ADTRP: variants seen among roughly 807,000 people sequenced by gnomAD.
ADTRP encodes the protein androgen dependent TFPI regulating protein, also known as androgen-dependent TFPI-regulating protein.
ADTRP carries 20 observed loss-of-function variants against 27.0 expected under a neutral mutation model. The ratio of observed to expected loss-of-function variants is 0.74; its 90% CI spans 0.52 to 1.08. ADTRP has a LOEUF of 1.08. ADTRP is among the 50% of genes least tolerant of loss of function. The pLI is 0.00. For synonymous variants in ADTRP, 101 were observed against 105.2 expected (o/e 0.96, Z 0.25); for missense variants, 251 against 275.0 (o/e 0.91, Z 0.62).
chr6:11,765,312 TC>T (rs1210255947), intron 3 of ADTRP, among the ~76,000 whole-genome samples: 2 of 141,090 alleles, frequency 1.4e-5, no homozygotes, highest in African/African-American at 2.6e-5. Flanking sequence ...CTTGTGCCTT[TC>T]CCCTGGTTTG....
intron 3 of ADTRP, among the ~76,000 whole-genome samples, chr6:11,737,638 A>G (rs1373429601): frequency 7.2e-5 from 11 of 152,218 alleles, no homozygotes. Context: ...CTGTAAGTAC[A>G]GGGCAGCACT....
intron 3 of ADTRP, among the ~76,000 whole-genome samples, chr6:11,748,884 G>A (rs1762951230): frequency 6.6e-6 from 1 of 152,240 alleles, no homozygotes; most frequent in African/African-American, 2.4e-5. Flanking sequence ...TGTGTCTGCA[G>A]CATTAAGCAG....
At chr6:11,749,265 T>C (rs1389251208) in intron 3 of ADTRP, among the ~76,000 whole-genome samples, 1 of 152,186 alleles carries the variant, frequency 6.6e-6, no homozygotes, top group East Asian at 1.9e-4. Context: ...GAGATGGAGA[T>C]GCTCAGAACA....
intron 3 of ADTRP, among the ~76,000 whole-genome samples, chr6:11,747,827 T>A (rs1762915927): frequency 6.6e-6 from 1 of 152,162 alleles, no homozygotes; most frequent in African/African-American, 2.4e-5. Flanking sequence ...TTTCAACTGT[T>A]TCTCCTCTTC....
intron 3 of ADTRP, among the ~76,000 whole-genome samples, chr6:11,765,857 C>T (rs1763555243): frequency 6.6e-6 from 1 of 152,166 alleles, no homozygotes; most frequent in Non-Finnish European, 1.5e-5. Context: ...AGAATCGTGA[C>T]AAAGTGTGTT....
At chr6:11,725,984 C>T (rs1762182945) in intron 4 of ADTRP, among the ~76,000 whole-genome samples, 1 of 151,124 alleles carries the variant, frequency 6.6e-6, no homozygotes, top group Non-Finnish European at 1.5e-5. Flanking sequence ...TTCACAATAG[C>T]CTGAAGGTGG....
intron 1 of ADTRP, among the ~76,000 whole-genome samples, chr6:11,771,289 C>T (rs949329614): frequency 2.0e-5 from 3 of 152,202 alleles, no homozygotes; most frequent in Non-Finnish European, 4.4e-5. Context: ...CTGTCGCCAT[C>T]GAGCTTACTC....
chr6:11,755,126 A>T, intron 3 of ADTRP: 1 of 964,794 alleles, frequency 1.0e-6, no homozygotes, highest in Non-Finnish European at 1.2e-6. Context: ...TTCACACAGG[A>T]GAGGGACTCA....
At position 11,768,286 on chromosome 6, in the gene ADTRP, T is replaced by C. The variant is rs1441822309; in HGVS notation, c.251A>G (p.Asp84Gly). ...KDIKFLTAFR[D>G]LLFTTLAFPV... Reference sequence around the variant, plus strand: ...AAAAGCCAGAGTGGTGAAAAGCAGGTCTCTGAAGGCAGTTAGGAACTTAAT... The same window carrying C: ...AAAAGCCAGAGTGGTGAAAAGCAGGCCTCTGAAGGCAGTTAGGAACTTAAT... Residue 84 changes from aspartate (D) to glycine (G), a missense_variant, in exon 2 of 6, where the codon GAC (aspartate) becomes GGC (glycine). Transcript: ENST00000414691. 1.2e-6 allele frequency: 2 copies of C among 1,614,192 alleles called. No individual in the cohort carries two copies. Among genetic ancestry groups the C allele is most frequent in the Admixed American group, 1.7e-5 (1 of 60,022 alleles).
At chr6:11,740,092 G>C (rs1190954494) in intron 3 of ADTRP, among the ~76,000 whole-genome samples, 1 of 152,152 alleles carries the variant, frequency 6.6e-6, no homozygotes, top group Non-Finnish European at 1.5e-5. Context: ...CCTCTCAGAT[G>C]GGTCATCAAG....
At chr6:11,743,229 T>TA (rs1324164919) in intron 3 of ADTRP, among the ~76,000 whole-genome samples, 3 of 152,242 alleles carry the variant, frequency 2.0e-5, no homozygotes, top group Non-Finnish European at 4.4e-5. Flanking sequence ...AAAGAGATGA[T>TA]AAACTCTTTG....
rs536014301 is a variant in ADTRP, at chr6:11,771,309, G to A, written c.154-2926C>T. Among the ~76,000 whole-genome samples, 13 of 152,358 alleles carry A rather than the reference G, an allele frequency of 8.5e-5. No individual in the cohort carries two copies. In the South Asian group the frequency reaches 2.7e-3, roughly 32 times the overall value. On this transcript the variant is annotated intron_variant, in intron 1 of 5. Coordinates refer to ENST00000414691, the MANE Select transcript of ADTRP (RefSeq NM_032744.4). ...GCCATCGAGCTTACTCAACATTGAG[G>A]CGTCTTTGTCCGAATTCACCACAAG...
At chr6:11,722,526 C>G (rs1389063104) in intron 5 of ADTRP, among the ~76,000 whole-genome samples, 1 of 152,070 alleles carries the variant, frequency 6.6e-6, no homozygotes, top group Non-Finnish European at 1.5e-5. Flanking sequence ...TCCTTATATA[C>G]AGAATCAGGG....
chr6:11,727,967 GAGGGAGGTAGGT>G (rs1229612097), intron 4 of ADTRP, among the ~76,000 whole-genome samples: 1 of 126,456 alleles, frequency 7.9e-6, no homozygotes, highest in Non-Finnish European at 1.6e-5. Context: ...GGCAGGGAGG[GAGGGAGGTAGGT>G]AGGGAGGGAG....
In ADTRP at chr6:11,714,221, T is replaced by C. The variant is rs1310198174; in HGVS notation, c.*257A>G. The C allele has an allele frequency of 2.8e-5, 13 of 457,008 alleles. No homozygotes were observed. The highest frequency in any genetic ancestry group is 3.1e-5 in the Non-Finnish European group (8 of 255,850). The allele number at this position is 457,008 out of a possible 1,614,324, so 28.3% of individuals were successfully genotyped here. A position where few individuals can be genotyped will look rare whatever the true frequency, so the allele number is the denominator to read the frequency against. Reference sequence around the variant, plus strand: ...TTGGCCAGATTTTAACCAGAGACCATCCTCCACGAAGGTCAAAGATAATTA... The same window carrying C: ...TTGGCCAGATTTTAACCAGAGACCACCCTCCACGAAGGTCAAAGATAATTA... On this transcript the variant is annotated 3_prime_UTR_variant, in exon 6 of 6. Coordinates refer to ENST00000414691, the MANE Select transcript of ADTRP (RefSeq NM_032744.4).
intron 3 of ADTRP, among the ~76,000 whole-genome samples, chr6:11,759,794 C>T (rs1203943086): frequency 6.6e-6 from 1 of 152,118 alleles, no homozygotes; most frequent in Non-Finnish European, 1.5e-5. Context: ...TATCTTGAGT[C>T]ATCTGGATGG....
intron 2 of ADTRP, among the ~76,000 whole-genome samples, chr6:11,767,198 C>T (rs1055907306): frequency 1.3e-5 from 2 of 152,144 alleles, no homozygotes; most frequent in Non-Finnish European, 2.9e-5. Context: ...ATGGCAAAAC[C>T]ATGTCTCTAC....
At chr6:11,731,637 C>T (rs1762383468) in intron 4 of ADTRP, among the ~76,000 whole-genome samples, 1 of 120,676 alleles carries the variant, frequency 8.3e-6, no homozygotes. Flanking sequence ...TACCTTCTCT[C>T]ATTTTTTCTA....
chr6:11,742,812 T>A (rs1018828300), intron 3 of ADTRP, among the ~76,000 whole-genome samples: 1 of 152,248 alleles, frequency 6.6e-6, no homozygotes, highest in Non-Finnish European at 1.5e-5. Flanking sequence ...TTATGTGATC[T>A]GAGCAGTACA....
Sources: gnomAD v4.1 joint callset for allele counts (sites outside exome capture counted in the v4.1 genomes callset) on GRCh38, gnomAD v4.1.1 for gene constraint, MANE v1.5 for transcripts, NCBI Gene and HGNC (gene_info 2026-07-23, HGNC 2026-07-21) for gene names.